Variants in ERC2 observed in about 807,000 individuals in gnomAD.
ERC2 encodes ELKS/RAB6-interacting/CAST family member 2.
A neutral mutation model predicts 114.8 loss-of-function variants in ERC2; 42 were observed. That is an observed-to-expected ratio of 0.37 (90% CI 0.29 to 0.47). ERC2 has a LOEUF of 0.47. Ranked by LOEUF, ERC2 falls within the 20% of genes least tolerant of loss-of-function variation. The pLI, the probability that ERC2 is intolerant of heterozygous loss-of-function variation, is 0.99. For synonymous variants in ERC2, 454 were observed against 425.5 expected, an observed-to-expected ratio of 1.07 and a Z score of -0.82; for missense variants, 939 against 1,150.7, an observed-to-expected ratio of 0.82 and a Z score of 2.66.
At chr3:56,130,706 CT>C (rs1161363264) in intron 6 of ERC2, among the ~76,000 whole-genome samples, 2 of 152,180 alleles carry the variant, frequency 1.3e-5, no homozygotes, top group African/African-American at 4.8e-5. Context: ...GGGATGCTCC[CT>C]TCCATCACAT....
At chr3:55,986,131 G>A (rs7613818) in intron 11 of ERC2, 143 bp from the exon 12 acceptor site, 393,755 of 745,164 alleles carry the variant, frequency 0.53, 107,333 homozygotes, top group East Asian at 0.71. Flanking sequence ...ATAACTAAAC[G>A]AAGCAAACTT....
intron 12 of ERC2, among the ~76,000 whole-genome samples, chr3:55,960,468 G>A (rs1245188626): frequency 6.6e-6 from 1 of 152,148 alleles, no homozygotes. Flanking sequence ...TGCCTCCTCA[G>A]AAGGCCCTTT....
chr3:55,867,046 G>A (rs1332882757), intron 14 of ERC2, among the ~76,000 whole-genome samples: 1 of 151,782 alleles, frequency 6.6e-6, no homozygotes, highest in East Asian at 2.0e-4. Flanking sequence ...TTTATGTTTT[G>A]TTTTGTTTTG....
intron 5 of ERC2, among the ~76,000 whole-genome samples, chr3:56,144,595 A>AAATG (rs1451373732): frequency 6.6e-6 from 1 of 152,222 alleles, no homozygotes; most frequent in African/African-American, 2.4e-5. Context: ...ATTGAGAGAG[A>AAATG]AATGAAAAGG....
chr3:55,591,574 CGTGTGTGT>C (rs3059305), intron 17 of ERC2, among the ~76,000 whole-genome samples: 9 of 148,152 alleles, frequency 6.1e-5, no homozygotes, highest in Admixed American at 6.8e-5. Flanking sequence ...AGTTTGTGTG[CGTGTGTGT>C]GTGTGTGTGT....
intron 13 of ERC2, among the ~76,000 whole-genome samples, chr3:55,899,196 T>C (rs185143429): frequency 4.6e-5 from 7 of 152,354 alleles, no homozygotes; most frequent in East Asian, 1.9e-4. Flanking sequence ...TTTACCTTTT[T>C]TGGTCACGGG....
At chr3:56,407,730 T>G (rs2060783412) in intron 2 of ERC2, among the ~76,000 whole-genome samples, 1 of 152,178 alleles carries the variant, frequency 6.6e-6, no homozygotes, top group African/African-American at 2.4e-5. Context: ...AAAATCCTGA[T>G]GCCCAGAACA....
intron 10 of ERC2, among the ~76,000 whole-genome samples, chr3:56,001,285 C>T (rs992987927): frequency 6.6e-6 from 1 of 151,936 alleles, no homozygotes; most frequent in African/African-American, 2.4e-5. Context: ...TTTTAATTTT[C>T]CTCTATAGGC....
At chr3:56,402,219 G>A (rs528670765) in intron 2 of ERC2, among the ~76,000 whole-genome samples, 5 of 152,242 alleles carry the variant, frequency 3.3e-5, no homozygotes, top group African/African-American at 1.2e-4. Flanking sequence ...GCAGCTCAGG[G>A]GCAGTTCTGC....
chr3:56,080,745 G>T, intron 7 of ERC2, 72 bp downstream of exon 7: 2 of 1,474,304 alleles, frequency 1.4e-6, no homozygotes, highest in Non-Finnish European at 1.8e-6. Flanking sequence ...TATTTTCCAT[G>T]TGCTCAAAAT....
At chr3:55,981,722 T>G (rs959079073) in intron 12 of ERC2, among the ~76,000 whole-genome samples, 1 of 152,158 alleles carries the variant, frequency 6.6e-6, no homozygotes, top group Non-Finnish European at 1.5e-5. Context: ...TTCTTGAACT[T>G]ACAAGCATTC....
At chr3:55,775,032 A>G (rs2068490609) in intron 14 of ERC2, among the ~76,000 whole-genome samples, 1 of 152,190 alleles carries the variant, frequency 6.6e-6, no homozygotes, top group Non-Finnish European at 1.5e-5. Context: ...TAGGAGAGAC[A>G]ACAGCCTTGT....
In ERC2 at chr3:56,270,686, AG is replaced by A. The variant is rs201620618; in HGVS notation, c.1074+25332del. 9.5e-3 allele frequency among the ~76,000 whole-genome samples: 1,448 copies of A among 152,344 alleles called. 17 individuals are homozygous for A. Among genetic ancestry groups the A allele is most frequent in the African/African-American group, 0.032 (1,314 of 41,578 alleles). ...TATGGCTGAAAACAAGGCCTATAAA[AG>A]ACCAGCCATGGGCAGGGCATGGTGG... is the stretch of plus-strand genomic sequence containing the variant. On this transcript the variant is annotated intron_variant, in intron 3 of 17. Transcript: ENST00000288221.
At chr3:56,302,531 C>T (rs545107207) in intron 2 of ERC2, among the ~76,000 whole-genome samples, 30 of 152,302 alleles carry the variant, frequency 2.0e-4, no homozygotes, top group African/African-American at 6.5e-4. Flanking sequence ...CAAGTGAACG[C>T]TCTAGCAAAG....
intron 10 of ERC2, among the ~76,000 whole-genome samples, chr3:55,999,167 T>G (rs1460522040): frequency 2.0e-5 from 3 of 152,088 alleles, no homozygotes; most frequent in Non-Finnish European, 4.4e-5. Flanking sequence ...TGTTTAGAAT[T>G]AAGAACCAAG....
At chr3:56,462,518 A>T (rs2063357734) in intron 1 of ERC2, among the ~76,000 whole-genome samples, 1 of 152,154 alleles carries the variant, frequency 6.6e-6, no homozygotes, top group South Asian at 2.1e-4. Context: ...AAATATTTCA[A>T]CCAGGAATCC....
At chr3:56,159,324 G>T (rs2081928277) in intron 4 of ERC2, among the ~76,000 whole-genome samples, 1 of 152,070 alleles carries the variant, frequency 6.6e-6, no homozygotes, top group Non-Finnish European at 1.5e-5. Flanking sequence ...AATATGGGAG[G>T]AAAGAAGAGG....
At chr3:55,770,711 T>C (rs72875458) in intron 14 of ERC2, among the ~76,000 whole-genome samples, 12,062 of 152,182 alleles carry the variant, frequency 0.079, 861 homozygotes, top group African/African-American at 0.18. Context: ...GTTTGTTACA[T>C]AGGTACACAT....
At chr3:56,018,858 A>G (rs1340090521) in intron 8 of ERC2, 36 bp downstream of exon 8, 1 of 1,602,862 alleles carries the variant, frequency 6.2e-7, no homozygotes, top group East Asian at 2.2e-5. Flanking sequence ...CTGTTTCCCC[A>G]TATCCTGATT....
Sources: allele counts gnomAD v4.1 joint callset (sites outside exome capture counted in the v4.1 genomes callset), GRCh38; gene constraint gnomAD v4.1.1; transcripts MANE v1.5; gene names NCBI Gene and HGNC (gene_info 2026-07-23, HGNC 2026-07-21).